Variants in TMTC3 observed in about 807,000 individuals in gnomAD.
TMTC3 encodes the protein protein O-mannosyl-transferase TMTC3.
Under a neutral mutation model 92.2 loss-of-function variants are expected in TMTC3, and 52 were observed. The observed-to-expected ratio is 0.56, with a 90% confidence interval of 0.45 to 0.71. The LOEUF (loss-of-function observed/expected upper bound fraction) is 0.71, where lower values mean the gene tolerates loss of function less well. Ranked by LOEUF, TMTC3 falls within the 30% of genes least tolerant of loss-of-function variation. The pLI is 0.00. For synonymous variants in TMTC3, 339 were observed against 363.3 expected, an observed-to-expected ratio of 0.93 and a Z score of 0.76; for missense variants, 896 against 1,057.1, an observed-to-expected ratio of 0.85 and a Z score of 2.11.
intron 2 of TMTC3, 76 bp downstream of exon 2, chr12:88,148,580 T>G: frequency 9.4e-7 from 1 of 1,065,582 alleles, no homozygotes; most frequent in South Asian, 1.8e-5. Context: ...CTTCTAATTC[T>G]TTATCAACAT....
rs1462893877 is a variant in TMTC3, at chr12:88,198,183, A to G, written c.*2534A>G. 1 of 395,146 alleles carries G rather than the reference A, an allele frequency of 2.5e-6. No individual in the cohort carries two copies. The highest frequency in any genetic ancestry group is 4.5e-6 in the Non-Finnish European group (1 of 224,090). 24.5% of individuals were successfully genotyped at this position (395,146 alleles called of 1,614,324 possible). Reference sequence around the variant, plus strand: ...AATAGATATTTCATTCAAACTGTTCAGGTGAGAAAACATAATGGATTTTTT... The same window carrying G: ...AATAGATATTTCATTCAAACTGTTCGGGTGAGAAAACATAATGGATTTTTT... On this transcript the variant is annotated 3_prime_UTR_variant, in exon 14 of 14. Coordinates refer to ENST00000266712, the MANE Select transcript of TMTC3 (RefSeq NM_181783.4).
intron 6 of TMTC3, 129 bp from the exon 7 acceptor site, chr12:88,166,188 CTGAGGTACACATA>C: frequency 1.3e-6 from 1 of 775,488 alleles, no homozygotes; most frequent in African/African-American, 1.8e-5. Context: ...TAGCAAGAGT[CTGAGGTACACATA>C]ACATTTGTCT....
intron 6 of TMTC3, among the ~76,000 whole-genome samples, chr12:88,162,013 A>G (rs1369081269): frequency 6.6e-6 from 1 of 152,054 alleles, no homozygotes; most frequent in East Asian, 1.9e-4. Flanking sequence ...TTTGTTGGAT[A>G]AGATTTTTAT....
intron 6 of TMTC3, among the ~76,000 whole-genome samples, chr12:88,165,991 T>C (rs1175008263): frequency 6.6e-6 from 1 of 152,156 alleles, no homozygotes; most frequent in Non-Finnish European, 1.5e-5. Context: ...TTATACAACT[T>C]TTTGTTACTA....
intron 1 of TMTC3, among the ~76,000 whole-genome samples, chr12:88,146,206 G>A (rs1422942481): frequency 6.6e-6 from 1 of 152,124 alleles, no homozygotes; most frequent in Non-Finnish European, 1.5e-5. Context: ...AACTGAGCTC[G>A]TAACATGCTC....
intron 1 of TMTC3, among the ~76,000 whole-genome samples, chr12:88,146,073 G>T (rs1349601629): frequency 6.6e-6 from 1 of 152,150 alleles, no homozygotes; most frequent in Non-Finnish European, 1.5e-5. Context: ...TGTGTTACAT[G>T]TTTGCAATAA....
intron 7 of TMTC3, 29 bp downstream of exon 7, chr12:88,166,611 A>G (rs2138394617): frequency 6.3e-7 from 1 of 1,590,106 alleles, no homozygotes; most frequent in Non-Finnish European, 8.5e-7. Flanking sequence ...CTTCCAAATG[A>G]TGTTAACATT....
At chr12:88,182,853 T>C (rs1303814637) in intron 10 of TMTC3, among the ~76,000 whole-genome samples, 2 of 152,182 alleles carry the variant, frequency 1.3e-5, no homozygotes, top group East Asian at 3.9e-4. Context: ...TAGCTGGTAT[T>C]GTAAACACAA....
In TMTC3 at chr12:88,194,943, A is replaced by T. The variant is rs1456060682; in HGVS notation, c.2039A>T (p.Asp680Val). Residue 680 changes from aspartate to valine, a missense_variant, in exon 14 of 14, where the codon GAT becomes GTT. Physicochemically the swap from Asp to Val is radical, Grantham distance 152. Coordinates refer to ENST00000266712, the MANE Select transcript of TMTC3 (RefSeq NM_181783.4). Reference sequence around the variant, plus strand: ...TTCAATTTGGGAATGCTTGCCATGGATGACAAAAAGGACAATGAAGCAGAG... The same window carrying T: ...TTCAATTTGGGAATGCTTGCCATGGTTGACAAAAAGGACAATGAAGCAGAG... ...GYFNLGMLAM[D>V]DKKDNEAEIW... 5 of 1,613,870 alleles carry T rather than the reference A, an allele frequency of 3.1e-6. No individual in the cohort carries two copies. The Admixed American group carries it at 6.7e-5, about 22-fold the overall frequency.
chr12:88,195,175 A>G lies in TMTC3; in HGVS notation c.2271A>G (p.Lys757=). 1.9e-6 allele frequency: 3 copies of G among 1,613,876 alleles called. No individual in the cohort carries two copies. The highest frequency in any genetic ancestry group is 2.5e-6 in the Non-Finnish European group (3 of 1,179,940). ...MNQKKDILGA[K]KCFERILEMD... The stretch of plus-strand genomic sequence containing the variant: ...AAAAGAAAGATATACTAGGAGCAAA[A>G]AAATGTTTTGAAAGGATTTTGGAGA... The change falls in exon 14 of 14, where the codon AAA becomes AAG. Residue 757 remains lysine, a synonymous_variant. Transcript: ENST00000266712.
chr12:88,184,586 A>C (rs1458934971), intron 10 of TMTC3, among the ~76,000 whole-genome samples: 2 of 152,250 alleles, frequency 1.3e-5, no homozygotes, highest in Non-Finnish European at 2.9e-5. Context: ...AGGCTGAAAG[A>C]GAATGGATAG....
chr12:88,145,403 T>C (rs2040860699), intron 1 of TMTC3, among the ~76,000 whole-genome samples: 1 of 152,196 alleles, frequency 6.6e-6, no homozygotes, highest in African/African-American at 2.4e-5. Flanking sequence ...TACAGTTTTA[T>C]TGAAGGGATT....
chr12:88,184,184 C>A (rs370554288), intron 10 of TMTC3, among the ~76,000 whole-genome samples: 1 of 152,018 alleles, frequency 6.6e-6, no homozygotes. Context: ...GTGCAGCCCC[C>A]CTAAGCCAGC....
intron 4 of TMTC3, among the ~76,000 whole-genome samples, chr12:88,155,764 T>C (rs374365476): frequency 1.2e-4 from 18 of 152,212 alleles, no homozygotes; most frequent in Non-Finnish European, 2.1e-4. Context: ...TTGGTGCTTT[T>C]TAATGATTTC....
At chr12:88,167,474 CAG>C (rs1468323224) in intron 7 of TMTC3, among the ~76,000 whole-genome samples, 105 of 152,246 alleles carry the variant, frequency 6.9e-4, no homozygotes, top group African/African-American at 2.3e-3. Context: ...TATTATATGT[CAG>C]AAAGTATGTT....
Position 88,153,473 on chromosome 12 carries a change from T to C in TMTC3, c.372T>C (p.Ser124=), listed in dbSNP as rs1283175815. 5 of 1,613,130 alleles carry C rather than the reference T, an allele frequency of 3.1e-6. No individual in the cohort carries two copies. Among genetic ancestry groups the C allele is most frequent in the Admixed American group, 1.7e-5 (1 of 59,946 alleles). The part of the protein sequence containing the change: ...FLDNKSSVIA[S]LLFAVHPIHT... ...ACAACAAGAGTAGTGTGATTGCTTCTTTACTTTTTGCAGTGCACCCAATAC... is the reference window on the plus strand; with the variant it reads ...ACAACAAGAGTAGTGTGATTGCTTCCTTACTTTTTGCAGTGCACCCAATAC... Residue 124 remains serine (S), a synonymous_variant, in exon 3 of 14, where the codon TCT becomes TCC. Coordinates refer to ENST00000266712, the MANE Select transcript of TMTC3 (RefSeq NM_181783.4).
intron 2 of TMTC3, 109 bp from the exon 3 acceptor site, chr12:88,153,182 C>T (rs2040963592): frequency 2.3e-5 from 14 of 609,398 alleles, no homozygotes; most frequent in Middle Eastern, 4.5e-4. Context: ...ATTGTTATTT[C>T]TCAGTAAAAT....
At position 88,148,330 on chromosome 12, in the gene TMTC3, C is replaced by A; in HGVS notation, c.15C>A (p.Asn5Lys). The A allele has an allele frequency of 6.2e-7, 1 of 1,609,098 alleles. No homozygotes were observed. Among genetic ancestry groups the A allele is most frequent in the Non-Finnish European group, 8.5e-7 (1 of 1,178,264 alleles). ...TTATAGAAAAGATGGCTAATATTAACCTAAAAGAAATAACCTTAATAGTAG... is the reference window on the plus strand; with the variant it reads ...TTATAGAAAAGATGGCTAATATTAAACTAAAAGAAATAACCTTAATAGTAG... MANI[N>K]LKEITLIVGV... Residue 5 changes from asparagine to lysine, a missense_variant, in exon 2 of 14, where the codon AAC (asparagine) becomes AAA (lysine). Transcript: ENST00000266712.
intron 1 of TMTC3, among the ~76,000 whole-genome samples, chr12:88,142,859 A>G (rs545344230): frequency 5.9e-5 from 9 of 152,118 alleles, no homozygotes; most frequent in South Asian, 2.1e-4. Context: ...TGGAGCTAGT[A>G]TAAAGTCAAG....
Sources: gnomAD v4.1 joint callset for allele counts (sites outside exome capture counted in the v4.1 genomes callset) on GRCh38, gnomAD v4.1.1 for gene constraint, MANE v1.5 for transcripts, NCBI Gene and HGNC (gene_info 2026-07-23, HGNC 2026-07-21) for gene names.